Variants in KHDRBS3 observed in about 807,000 individuals in gnomAD.
The protein encoded by KHDRBS3 is KH domain-containing, RNA-binding, signal transduction-associated protein 3.
A neutral mutation model predicts 45.6 loss-of-function variants in KHDRBS3; 23 were observed. That is an observed-to-expected ratio of 0.50 (90% CI 0.36 to 0.72). The LOEUF is 0.72. KHDRBS3 is among the 30% of genes least tolerant of loss of function. The pLI, the probability that KHDRBS3 is intolerant of heterozygous loss-of-function variation, is 0.00. For synonymous variants in KHDRBS3, 162 were observed against 156.5 expected (o/e 1.04, Z -0.26); for missense variants, 352 against 424.8 (o/e 0.83, Z 1.51).
chr8:135,534,019 C>T (rs936795053), intron 2 of KHDRBS3, among the ~76,000 whole-genome samples: 2 of 152,164 alleles, frequency 1.3e-5, no homozygotes, highest in African/African-American at 2.4e-5. Context: ...TGCTTTCACA[C>T]CATCATAAAG....
At chr8:135,564,504 G>T (rs1827309950) in intron 5 of KHDRBS3, among the ~76,000 whole-genome samples, 1 of 152,128 alleles carries the variant, frequency 6.6e-6, no homozygotes, top group Admixed American at 6.5e-5. Flanking sequence ...TACCAAATTT[G>T]TTCCTTATTG....
At chr8:135,645,177 A>G (rs1404477967) in intron 8 of KHDRBS3, 60 bp downstream of exon 8, 2 of 1,544,844 alleles carry the variant, frequency 1.3e-6, no homozygotes, top group East Asian at 2.2e-5. Flanking sequence ...GAAAGACCTT[A>G]AAGATATTAA....
intron 7 of KHDRBS3, among the ~76,000 whole-genome samples, chr8:135,636,766 CTG>C (rs1246850310): frequency 6.6e-6 from 1 of 152,212 alleles, no homozygotes; most frequent in African/African-American, 2.4e-5. Context: ...GGACAGCAGT[CTG>C]TGCATGCCAG....
chr8:135,656,192 A>G (rs1247774312), intron 4 of KHDRBS3: 1 of 152,230 alleles, frequency 6.6e-6, no homozygotes, highest in African/African-American at 2.4e-5. Flanking sequence ...ATTTCTTGAT[A>G]TATACAAATA....
intron 5 of KHDRBS3, among the ~76,000 whole-genome samples, chr8:135,569,420 TAAGCAA>T (rs1827590139): frequency 6.6e-6 from 1 of 152,162 alleles, no homozygotes; most frequent in African/African-American, 2.4e-5. Context: ...GAATTGTCAT[TAAGCAA>T]AAACTTTAGG....
intron 7 of KHDRBS3, among the ~76,000 whole-genome samples, chr8:135,614,870 A>G (rs1423201660): frequency 1.3e-5 from 2 of 151,848 alleles, no homozygotes; most frequent in African/African-American, 2.4e-5. Context: ...GGGACTTTGC[A>G]GTGGGGAAGA....
intron 7 of KHDRBS3, among the ~76,000 whole-genome samples, chr8:135,643,077 G>A (rs1831133612): frequency 6.6e-6 from 1 of 152,202 alleles, no homozygotes; most frequent in African/African-American, 2.4e-5. Flanking sequence ...ACAGGCATGA[G>A]CCACCGCGCC....
At chr8:135,569,198 C>G (rs1233837835) in intron 5 of KHDRBS3, among the ~76,000 whole-genome samples, 2 of 151,968 alleles carry the variant, frequency 1.3e-5, no homozygotes. Flanking sequence ...TTCTGAAATT[C>G]ATAAATTATT....
At chr8:135,633,731 A>G (rs1204452482) in intron 7 of KHDRBS3, among the ~76,000 whole-genome samples, 2 of 152,138 alleles carry the variant, frequency 1.3e-5, no homozygotes, top group African/African-American at 4.8e-5. Context: ...TATTTTTGCC[A>G]CAGTCCTAGA....
intron 7 of KHDRBS3, among the ~76,000 whole-genome samples, chr8:135,622,868 A>G (rs2131096544): frequency 6.6e-6 from 1 of 152,336 alleles, no homozygotes; most frequent in South Asian, 2.1e-4. Context: ...AAGGAACCCA[A>G]CCTTGATCTT....
chr8:135,646,529 C>T (rs1205736187), intron 8 of KHDRBS3, among the ~76,000 whole-genome samples: 2 of 152,236 alleles, frequency 1.3e-5, no homozygotes, highest in Middle Eastern at 3.4e-3. Flanking sequence ...TGCCCCTTCC[C>T]GTTTTGCTCT....
intron 7 of KHDRBS3, among the ~76,000 whole-genome samples, chr8:135,638,021 G>A (rs1004372863): frequency 6.6e-6 from 1 of 152,052 alleles, no homozygotes; most frequent in Non-Finnish European, 1.5e-5. Flanking sequence ...GAAAGAGGAA[G>A]TAGATGAAAC....
At chr8:135,458,969 A>G (rs564210266) in intron 1 of KHDRBS3, 1 of 456,232 alleles carries the variant, frequency 2.2e-6, no homozygotes, top group Non-Finnish European at 4.4e-6. Flanking sequence ...TATGTGTTTC[A>G]GATGAAGATG....
intron 1 of KHDRBS3, among the ~76,000 whole-genome samples, chr8:135,495,762 T>TG (rs1823406252): frequency 6.6e-6 from 1 of 152,172 alleles, no homozygotes; most frequent in Non-Finnish European, 1.5e-5. Context: ...CTATGGGCCA[T>TG]CACTGGATGG....
intron 1 of KHDRBS3, among the ~76,000 whole-genome samples, chr8:135,473,325 T>C (rs970718726): frequency 3.9e-5 from 6 of 152,192 alleles, no homozygotes; most frequent in Admixed American, 2.6e-4. Flanking sequence ...GCTTTGTGGC[T>C]TCCCATCCAC....
chr8:135,570,811 T>TC, intron 5 of KHDRBS3, among the ~76,000 whole-genome samples: 1 of 152,330 alleles, frequency 6.6e-6, no homozygotes, highest in Admixed American at 6.5e-5. Flanking sequence ...CTGTGCTTTT[T>TC]CTTGCTGTAA....
At chr8:135,496,850 A>G (rs1007963665) in intron 1 of KHDRBS3, among the ~76,000 whole-genome samples, 2 of 152,232 alleles carry the variant, frequency 1.3e-5, no homozygotes, top group African/African-American at 4.8e-5. Flanking sequence ...TTGGCCAACT[A>G]GCTTGCCTGT....
At chr8:135,520,739 GT>G (rs1474809094) in intron 1 of KHDRBS3, among the ~76,000 whole-genome samples, 1 of 152,196 alleles carries the variant, frequency 6.6e-6, no homozygotes. Context: ...GTTGATATGT[GT>G]CACATGCAAG....
chr8:135,603,212 C>T (rs1174939771), intron 6 of KHDRBS3, among the ~76,000 whole-genome samples: 2 of 152,226 alleles, frequency 1.3e-5, no homozygotes, highest in Non-Finnish European at 2.9e-5. Flanking sequence ...TCTCCCACTA[C>T]ACCTCATGTC....
Sources: allele counts gnomAD v4.1 joint callset (sites outside exome capture counted in the v4.1 genomes callset), GRCh38; gene constraint gnomAD v4.1.1; transcripts MANE v1.5; gene names NCBI Gene and HGNC (gene_info 2026-07-23, HGNC 2026-07-21).